CDC42BPA: variants seen among roughly 807,000 people sequenced by gnomAD.
The protein encoded by CDC42BPA is CDC42 binding protein kinase alpha, also known as serine/threonine-protein kinase MRCK alpha.
In CDC42BPA, 80 loss-of-function variants were observed where a neutral mutation model predicts 223.5. The ratio of observed to expected loss-of-function variants is 0.36; its 90% CI spans 0.30 to 0.43. The LOEUF (loss-of-function observed/expected upper bound fraction) is 0.43. CDC42BPA is among the 20% of genes least tolerant of loss of function. The probability of loss-of-function intolerance (pLI) is 1.00; values close to 1 mark genes in which losing one functional copy is unlikely to be tolerated. For synonymous variants in CDC42BPA, 694 were observed against 718.6 expected (o/e 0.97, Z 0.55); for missense variants, 1,743 against 2,099.9 (o/e 0.83, Z 3.32).
At chr1:227,041,106 C>G (rs1671271977) in intron 23 of CDC42BPA, among the ~76,000 whole-genome samples, 1 of 152,008 alleles carries the variant, frequency 6.6e-6, no homozygotes, top group Non-Finnish European at 1.5e-5. Context: ...ATAAACAAAG[C>G]CTTTCAAACA....
chr1:227,029,630 T>C (rs1208713309), intron 29 of CDC42BPA, among the ~76,000 whole-genome samples: 2 of 150,844 alleles, frequency 1.3e-5, no homozygotes, highest in Admixed American at 6.6e-5. Flanking sequence ...TGTTTTCCCA[T>C]GATCTAAGTT....
intron 24 of CDC42BPA, among the ~76,000 whole-genome samples, chr1:227,037,724 CTT>C (rs1670544182): frequency 6.6e-6 from 1 of 152,146 alleles, no homozygotes; most frequent in Non-Finnish European, 1.5e-5. Flanking sequence ...ATTTTCTTGT[CTT>C]TTTCATAAGA....
chr1:227,289,663 G>C (rs941707728), intron 1 of CDC42BPA, among the ~76,000 whole-genome samples: 2 of 152,048 alleles, frequency 1.3e-5, no homozygotes, highest in Non-Finnish European at 2.9e-5. Context: ...TCACATAGGA[G>C]GTATGCAATA....
intron 2 of CDC42BPA, among the ~76,000 whole-genome samples, chr1:227,249,640 T>G (rs1849548): frequency 0.098 from 14,883 of 152,202 alleles, 1,171 homozygotes; most frequent in East Asian, 0.36. Flanking sequence ...GGCTAAAGAT[T>G]TGAATAGACC....
intron 6 of CDC42BPA, among the ~76,000 whole-genome samples, chr1:227,158,167 G>A (rs1663167194): frequency 6.6e-6 from 1 of 151,904 alleles, no homozygotes; most frequent in South Asian, 2.1e-4. Context: ...CACTGTGTTG[G>A]CCAGGCAGTC....
intron 32 of CDC42BPA, among the ~76,000 whole-genome samples, chr1:227,018,097 A>T (rs1666667696): frequency 6.6e-6 from 1 of 151,162 alleles, no homozygotes; most frequent in South Asian, 2.1e-4. Context: ...CCCAGGCTGA[A>T]GTGTAGTGGC....
chr1:227,121,837 A>G (rs539189384), intron 11 of CDC42BPA, among the ~76,000 whole-genome samples: 23 of 135,608 alleles, frequency 1.7e-4, no homozygotes, highest in African/African-American at 6.1e-4. Flanking sequence ...GTCTTGCTCT[A>G]TCACCCAGGC....
At chr1:227,219,560 T>C (rs185872958) in intron 2 of CDC42BPA, 1 of 152,348 alleles carries the variant, frequency 6.6e-6, no homozygotes, top group East Asian at 1.9e-4. Flanking sequence ...TATGCATTTC[T>C]TATAAGAGTT....
In CDC42BPA at chr1:227,031,440, C is replaced by G. The variant is rs1669270823; in HGVS notation, c.3633G>C (p.Lys1211Asn). The change falls in exon 28 of 37, where the codon AAG becomes AAC. Residue 1211 changes from lysine (K) to asparagine (N), a missense_variant. Physicochemically the swap from Lys to Asn is moderately conservative, Grantham distance 94. Coordinates refer to ENST00000366766, the MANE Select transcript of CDC42BPA (RefSeq NM_001394014.1). ...CACTCAGCACTCCCACCCACTTATT[C>G]TTCTCATTCTCAGTGTCTGCTAGCA... is the stretch of plus-strand genomic sequence containing the variant. Reference protein sequence around the residue: ...ILMLADTENEKNKWVGVLSEL... With the variant: ...ILMLADTENENNKWVGVLSEL... 6.2e-7 allele frequency: 1 copy of G among 1,613,908 alleles called. No individual in the cohort carries two copies. The highest frequency in any genetic ancestry group is 1.1e-5 in the South Asian group (1 of 91,078).
At chr1:227,292,138 A>C (rs11800447) in intron 1 of CDC42BPA, among the ~76,000 whole-genome samples, 8,549 of 152,084 alleles carry the variant, frequency 0.056, 792 homozygotes, top group African/African-American at 0.19. Context: ...ACACGCCACC[A>C]TGCCCGGCTT....
In CDC42BPA at chr1:226,993,623, C is replaced by T. The variant is rs1661021248; in HGVS notation, c.*645G>A. 6.5e-6 allele frequency: 1 copy of T among 152,772 alleles called. No individual in the cohort carries two copies. The highest frequency in any genetic ancestry group is 1.5e-5 in the Non-Finnish European group (1 of 68,044). The allele number at this position is 152,772 out of a possible 1,614,324, so 9.5% of individuals were successfully genotyped here. A position where few individuals can be genotyped will look rare whatever the true frequency, so the allele number is the denominator to read the frequency against. ...ACATTACATTACAGACAAGAAACAA[C>T]ATATTTCTTTAAATTAAATCATCTC... On this transcript the variant is annotated 3_prime_UTR_variant, in exon 37 of 37. Transcript: ENST00000366766.
chr1:227,200,438 A>AAAAC (rs61509120), intron 3 of CDC42BPA, among the ~76,000 whole-genome samples: 21,433 of 95,770 alleles, frequency 0.22, 1,684 homozygotes, highest in East Asian at 0.3. Flanking sequence ...CTTAAAAAAC[A>AAAAC]AACAAACAAA....
chr1:227,031,858 TTAC>T (rs1163250974), intron 27 of CDC42BPA, among the ~76,000 whole-genome samples: 7 of 152,212 alleles, frequency 4.6e-5, no homozygotes, highest in African/African-American at 1.7e-4. Flanking sequence ...TCTAAGCACT[TTAC>T]AAGTATTAAC....
intron 35 of CDC42BPA, among the ~76,000 whole-genome samples, chr1:226,997,048 G>C (rs1209808647): frequency 6.6e-6 from 1 of 152,130 alleles, no homozygotes. Flanking sequence ...GCTCCTCTTT[G>C]TACCTCTGGT....
chr1:227,058,354 G>A (rs936073133), intron 21 of CDC42BPA, among the ~76,000 whole-genome samples: 1 of 152,050 alleles, frequency 6.6e-6, no homozygotes, highest in African/African-American at 2.4e-5. Flanking sequence ...GAAGCAGCAG[G>A]CCACCCCTAC....
chr1:227,063,147 T>A (rs752920432), intron 21 of CDC42BPA, among the ~76,000 whole-genome samples: 2 of 152,150 alleles, frequency 1.3e-5, no homozygotes, highest in Non-Finnish European at 2.9e-5. Flanking sequence ...ACAGAAAAGG[T>A]GAGTTAGAGG....
At chr1:227,227,310 A>G (rs370591296) in intron 2 of CDC42BPA, among the ~76,000 whole-genome samples, 16 of 152,314 alleles carry the variant, frequency 1.1e-4, no homozygotes, top group East Asian at 9.6e-4. Flanking sequence ...AAAACTGGCC[A>G]TCTCTCTTCT....
chr1:227,094,519 T>A (rs1683636424), intron 15 of CDC42BPA, among the ~76,000 whole-genome samples: 1 of 152,180 alleles, frequency 6.6e-6, no homozygotes. Flanking sequence ...AACAAAGACC[T>A]AATGGAGCAC....
intron 34 of CDC42BPA, among the ~76,000 whole-genome samples, chr1:227,014,608 TTATATTA>T (rs1223368775): frequency 6.6e-6 from 1 of 152,112 alleles, no homozygotes; most frequent in Admixed American, 6.6e-5. Context: ...GCACACCGAA[TTATATTA>T]TCAATCAATT....
Sources: allele counts gnomAD v4.1 joint callset (sites outside exome capture counted in the v4.1 genomes callset), GRCh38; gene constraint gnomAD v4.1.1; transcripts MANE v1.5; gene names NCBI Gene and HGNC (gene_info 2026-07-23, HGNC 2026-07-21).